DBT: variants seen among roughly 807,000 people sequenced by gnomAD.
DBT encodes the protein lipoamide acyltransferase component of branched-chain alpha-keto acid dehydrogenase complex, mitochondrial.
A neutral mutation model predicts 51.3 loss-of-function variants in DBT; 40 were observed. The observed-to-expected ratio is 0.78, with a 90% CI of 0.61 to 1.02. The LOEUF is 1.02. Among genes scored for constraint, DBT ranks in the 50% least tolerant of loss-of-function variants. DBT has a pLI of 0.00. For synonymous variants in DBT, 181 were observed against 190.4 expected, an observed-to-expected ratio of 0.95 and a Z score of 0.41; for missense variants, 510 against 580.2, an observed-to-expected ratio of 0.88 and a Z score of 1.24.
chr1:100,202,085 G>A (rs965125818), intron 10 of DBT, among the ~76,000 whole-genome samples: 1 of 152,138 alleles, frequency 6.6e-6, no homozygotes, highest in Non-Finnish European at 1.5e-5. Context: ...TGGGCTAAAT[G>A]CCTCAATTAA....
At chr1:100,236,546 G>A (rs1198134957) in intron 2 of DBT, among the ~76,000 whole-genome samples, 1 of 152,106 alleles carries the variant, frequency 6.6e-6, no homozygotes, top group African/African-American at 2.4e-5. Flanking sequence ...GAGGTATTAG[G>A]TACCTCTTAC....
intron 4 of DBT, among the ~76,000 whole-genome samples, chr1:100,219,555 G>A (rs1186043974): frequency 1.3e-5 from 2 of 152,054 alleles, no homozygotes; most frequent in East Asian, 1.9e-4. Flanking sequence ...ACCAGCCTGG[G>A]CAATAAAGTG....
rs1280662935 is a variant in DBT, at chr1:100,195,616, T to C, written c.*639A>G. 1 of 152,230 alleles carries C rather than the reference T, an allele frequency of 6.6e-6. No homozygotes were observed. The highest frequency in any genetic ancestry group is 6.5e-5 in the Admixed American group (1 of 15,280). The allele number at this position is 152,230 out of a possible 1,614,324, so 9.4% of individuals were successfully genotyped here. ...TTCATTAAGAGTCAGTTAAAAAAAATAGGGCATATACTGTCTGTATATGGC... is the reference window on the plus strand; with the variant it reads ...TTCATTAAGAGTCAGTTAAAAAAAACAGGGCATATACTGTCTGTATATGGC... On this transcript the variant is annotated 3_prime_UTR_variant, in exon 11 of 11. Coordinates refer to ENST00000370132, the MANE Select transcript of DBT (RefSeq NM_001918.5).
intron 1 of DBT, 65 bp downstream of exon 1, chr1:100,249,705 C>G (rs922039574): frequency 1.3e-6 from 2 of 1,516,148 alleles, no homozygotes; most frequent in African/African-American, 2.7e-5. Flanking sequence ...AAGTAAAACA[C>G]CACTCCTGGA....
Position 100,213,185 on chromosome 1 carries a change from G to C in DBT, c.939+1632C>G, listed in dbSNP as rs1440617139. 6.1e-6 allele frequency: 3 copies of C among 494,186 alleles called. No homozygotes were observed. In the East Asian group the frequency reaches 1.3e-4, roughly 21 times the overall value. The allele number at this position is 494,186 out of a possible 1,614,324, so 30.6% of individuals were successfully genotyped here. On this transcript the variant is annotated intron_variant, in intron 7 of 10. Transcript: ENST00000370132. ...TATTTACATGTCAGGGTTACTCTGA[G>C]AATTAAGAGATAATGGGCCCTGCCC...
At chr1:100,196,827 G>T (rs1165794942) in intron 10 of DBT, 1 of 202,572 alleles carries the variant, frequency 4.9e-6, no homozygotes, top group Non-Finnish European at 1.0e-5. Flanking sequence ...CCATTATCAA[G>T]TTCCCCTGAC....
chr1:100,205,559 A>T (rs578020893), intron 10 of DBT, among the ~76,000 whole-genome samples: 1 of 152,350 alleles, frequency 6.6e-6, no homozygotes, highest in East Asian at 1.9e-4. Context: ...TCAAGGATCT[A>T]GAACCAGAAA....
chr1:100,244,518 A>AT (rs1664421542), intron 1 of DBT, among the ~76,000 whole-genome samples: 1 of 152,112 alleles, frequency 6.6e-6, no homozygotes, highest in Non-Finnish European at 1.5e-5. Flanking sequence ...TCAAAAAAGG[A>AT]TTTTTTTAAA....
chr1:100,200,215 G>A (rs1661356232), intron 10 of DBT, among the ~76,000 whole-genome samples: 1 of 152,166 alleles, frequency 6.6e-6, no homozygotes, highest in African/African-American at 2.4e-5. Flanking sequence ...CTGGAGGTTG[G>A]TGGGGGGAGG....
At chr1:100,225,953 C>T (rs4463693) in intron 4 of DBT, among the ~76,000 whole-genome samples, 120,880 of 152,016 alleles carry the variant, frequency 0.8, 49,425 homozygotes, top group East Asian at 0.95. Flanking sequence ...GAGCTATGAT[C>T]GTGCCACTCT....
chr1:100,226,283 CTTTTTT>C (rs71084810), intron 4 of DBT, among the ~76,000 whole-genome samples: 3 of 86,644 alleles, frequency 3.5e-5, no homozygotes, highest in Admixed American at 1.3e-4. Context: ...TAAATTATGC[CTTTTTT>C]TTTTTTTTTT....
chr1:100,242,166 T>A (rs1665561161), intron 1 of DBT, among the ~76,000 whole-genome samples: 1 of 152,288 alleles, frequency 6.6e-6, no homozygotes, highest in African/African-American at 2.4e-5. Flanking sequence ...AGAATACTGA[T>A]AAGTGAAACT....
At chr1:100,213,768 T>C in intron 7 of DBT, 1 of 1,495,178 alleles carries the variant, frequency 6.7e-7, no homozygotes, top group Non-Finnish European at 8.9e-7. Context: ...CAGGACTGTT[T>C]TGTAAAGCGA....
rs1016049038 is a variant in DBT, at chr1:100,216,256, G to A, written c.556-57C>T. 35 of 1,234,506 alleles carry A rather than the reference G, an allele frequency of 2.8e-5. No homozygotes were observed. The African/African-American group carries it at 3.4e-4, about 12-fold the overall frequency. 76.5% of individuals were successfully genotyped at this position (1,234,506 alleles called of 1,614,324 possible). ...ACAACTATTTAAAAACATCATTAAAGTTTCAAAATGGAATTTGATCAACTG... is the reference window on the plus strand; with the variant it reads ...ACAACTATTTAAAAACATCATTAAAATTTCAAAATGGAATTTGATCAACTG... On this transcript the variant is annotated intron_variant, in intron 5 of 10. Transcript: ENST00000370132.
chr1:100,240,989 T>G, intron 1 of DBT, 105 bp from the exon 2 acceptor site: 2 of 1,131,140 alleles, frequency 1.8e-6, no homozygotes, highest in Non-Finnish European at 2.6e-6. Context: ...AGAACCATTG[T>G]CACAATAGAA....
At chr1:100,199,009 C>A (rs1349434688) in intron 10 of DBT, among the ~76,000 whole-genome samples, 3 of 152,128 alleles carry the variant, frequency 2.0e-5, no homozygotes, top group Non-Finnish European at 4.4e-5. Context: ...GAAGTGGTAT[C>A]CAGGAGCTTA....
rs1421315221 is a variant in DBT at position 100,216,033 on chromosome 1, A to G, written c.722T>C (p.Val241Ala). 1 of 1,613,330 alleles carries G rather than the reference A, an allele frequency of 6.2e-7. No homozygotes were observed. Among genetic ancestry groups the G allele is most frequent in the Non-Finnish European group, 8.5e-7 (1 of 1,179,450 alleles). Reference sequence around the variant, plus strand: ...GCCTGTGAATACCGGAGGTTTTGATACTAGTATAGGAACAGTCATGTCTTT... The same window carrying G: ...GCCTGTGAATACCGGAGGTTTTGATGCTAGTATAGGAACAGTCATGTCTTT... ...KPKDMTVPIL[V>A]SKPPVFTGKD... The change falls in exon 6 of 11, where the codon GTA (valine) becomes GCA (alanine). Residue 241 changes from valine (V) to alanine (A), a missense_variant. By Grantham distance (64) the Val-to-Ala change is moderately conservative. Transcript: ENST00000370132.
chr1:100,219,291 G>C (rs1662691666), intron 4 of DBT, among the ~76,000 whole-genome samples: 1 of 151,994 alleles, frequency 6.6e-6, no homozygotes, highest in African/African-American at 2.4e-5. Context: ...GGTCGAGGCT[G>C]CAGTGAGCTG....
chr1:100,243,913 C>T (rs532316514), intron 1 of DBT, among the ~76,000 whole-genome samples: 33 of 142,902 alleles, frequency 2.3e-4, no homozygotes, highest in African/African-American at 8.4e-4. Flanking sequence ...GAGGCATAGG[C>T]TTCTTTAATA....
Sources: allele counts gnomAD v4.1 joint callset (sites outside exome capture counted in the v4.1 genomes callset), GRCh38; gene constraint gnomAD v4.1.1; transcripts MANE v1.5; gene names NCBI Gene and HGNC (gene_info 2026-07-23, HGNC 2026-07-21).